Variants in GASK1B observed in about 807,000 individuals in gnomAD.
The protein encoded by GASK1B is Golgi-associated kinase 1B.
GASK1B carries 34 observed loss-of-function variants against 42.8 expected under a neutral mutation model. The ratio of observed to expected loss-of-function variants is 0.79; its 90% CI spans 0.60 to 1.06. The LOEUF (loss-of-function observed/expected upper bound fraction) is 1.06. Among genes scored for constraint, GASK1B ranks in the 50% least tolerant of loss-of-function variants. The probability of loss-of-function intolerance (pLI) is 0.00; values close to 1 mark genes in which losing one functional copy is unlikely to be tolerated. For synonymous variants in GASK1B, 262 were observed against 259.1 expected (o/e 1.01, Z -0.11); for missense variants, 686 against 661.0 (o/e 1.04, Z -0.42).
chr4:158,170,334 C>CGCT, intron 2 of GASK1B, 132 bp downstream of exon 2: 53 of 1,613,940 alleles, frequency 3.3e-5, no homozygotes, highest in Non-Finnish European at 3.8e-5. Context: ...TGGAAAGACA[C>CGCT]GCTGCTGCTG....
At chr4:158,127,769 C>G (rs986386171) in intron 4 of GASK1B, among the ~76,000 whole-genome samples, 155 bp from the exon 5 acceptor site, 1 of 152,136 alleles carries the variant, frequency 6.6e-6, no homozygotes, top group Non-Finnish European at 1.5e-5. Flanking sequence ...GATGACACTT[C>G]TCTTAATAAT....
chr4:158,134,608 T>A (rs1231012325), intron 3 of GASK1B, among the ~76,000 whole-genome samples: 1 of 152,190 alleles, frequency 6.6e-6, no homozygotes, highest in Non-Finnish European at 1.5e-5. Flanking sequence ...CTTAGGAAAA[T>A]ACATTTTTTC....
At chr4:158,142,069 C>T (rs541108102) in intron 3 of GASK1B, among the ~76,000 whole-genome samples, 132 of 149,156 alleles carry the variant, frequency 8.8e-4, no homozygotes, top group Non-Finnish European at 1.6e-3. Context: ...CTCAGCCTCC[C>T]GAGTAGCTGG....
chr4:158,155,392 A>T (rs1008920922), intron 3 of GASK1B, among the ~76,000 whole-genome samples: 1 of 152,152 alleles, frequency 6.6e-6, no homozygotes, highest in East Asian at 1.9e-4. Context: ...TTTAAGTCTG[A>T]TAAGAAACAT....
chr4:158,145,815 A>T (rs1361214403), intron 3 of GASK1B, among the ~76,000 whole-genome samples: 1 of 152,184 alleles, frequency 6.6e-6, no homozygotes, highest in Non-Finnish European at 1.5e-5. Flanking sequence ...GTCTGCTACA[A>T]TCAAGTGAAA....
intron 3 of GASK1B, among the ~76,000 whole-genome samples, chr4:158,136,836 T>C (rs1455647226): frequency 6.6e-6 from 1 of 152,182 alleles, no homozygotes; most frequent in Admixed American, 6.5e-5. Context: ...CAATAAGACA[T>C]GTGATTGGTG....
rs1310814357 is a variant in GASK1B at position 158,171,337 on chromosome 4, C to T, written c.39G>A (p.Trp13Ter). The change falls in exon 2 of 5, where the codon TGG becomes TGA. Residue 13 changes from tryptophan to a stop codon, truncating the protein, a stop_gained. Transcript: ENST00000585682. LOFTEE classifies it high-confidence loss of function. Reference sequence around the variant, plus strand: ...GCGGGACGCACAGGGAGCAGATGAACCAGTTTATGAGCTGCCCCGGCTTGT... The same window carrying T: ...GCGGGACGCACAGGGAGCAGATGAATCAGTTTATGAGCTGCCCCGGCTTGT... ...CPDKPGQLINWFICSLCVPRV... is the reference protein window; with the variant it reads ...CPDKPGQLIN 2 of 1,608,802 alleles carry T rather than the reference C, an allele frequency of 1.2e-6. No homozygotes were observed. Among genetic ancestry groups the T allele is most frequent in the East Asian group, 2.2e-5 (1 of 44,826 alleles).
chr4:158,152,844 C>T (rs866045511), intron 3 of GASK1B, among the ~76,000 whole-genome samples: 4 of 152,106 alleles, frequency 2.6e-5, no homozygotes, highest in Admixed American at 1.3e-4. Flanking sequence ...ATAGAAGGGA[C>T]GTACCTTAAG....
chr4:158,146,653 G>A (rs762084561), intron 3 of GASK1B, among the ~76,000 whole-genome samples: 5 of 152,208 alleles, frequency 3.3e-5, no homozygotes, highest in Admixed American at 6.5e-5. Flanking sequence ...AAATGGGACT[G>A]AAATGTAACT....
chr4:158,134,273 C>G (rs1332962404), intron 3 of GASK1B, among the ~76,000 whole-genome samples: 1 of 152,068 alleles, frequency 6.6e-6, no homozygotes, highest in Non-Finnish European at 1.5e-5. Flanking sequence ...TTTTTAAAGC[C>G]TAATAAAGCA....
At chr4:158,162,191 A>G (rs938248225) in intron 2 of GASK1B, among the ~76,000 whole-genome samples, 1 of 152,156 alleles carries the variant, frequency 6.6e-6, no homozygotes, top group African/African-American at 2.4e-5. Context: ...AACCCCCTAC[A>G]TACACATTCT....
At chr4:158,146,716 G>C (rs917160038) in intron 3 of GASK1B, among the ~76,000 whole-genome samples, 21 of 152,110 alleles carry the variant, frequency 1.4e-4, no homozygotes, top group Non-Finnish European at 2.9e-4. Context: ...ACAATACAGT[G>C]TCTCTTTGGT....
In GASK1B at chr4:158,149,726, T is replaced by C. The variant is rs115784905; in HGVS notation, c.1125+5885A>G. ...ACTTTATTACTATTACATTTTATCATATTGACTTGTTTCATTAATCCAAGG... is the reference window on the plus strand; with the variant it reads ...ACTTTATTACTATTACATTTTATCACATTGACTTGTTTCATTAATCCAAGG... On this transcript the variant is annotated intron_variant, in intron 3 of 4. Coordinates refer to ENST00000585682, the MANE Select transcript of GASK1B (RefSeq NM_001128424.2). Among the ~76,000 whole-genome samples the C allele has an allele frequency of 2.7e-3, 405 of 152,290 alleles. 1 individual carries two copies. Among genetic ancestry groups the C allele is most frequent in the African/African-American group, 9.5e-3 (394 of 41,562 alleles).
rs750606070 is a variant in GASK1B at position 158,170,714 on chromosome 4, A to G, written c.662T>C (p.Ile221Thr). The G allele has an allele frequency of 8.1e-6, 13 of 1,614,200 alleles. No homozygotes were observed. The highest frequency in any genetic ancestry group is 1.1e-5 in the Non-Finnish European group (13 of 1,180,036). Residue 221 changes from isoleucine (I) to threonine (T), a missense_variant, in exon 2 of 5, where the codon ATC (isoleucine) becomes ACC (threonine). Coordinates refer to ENST00000585682, the MANE Select transcript of GASK1B (RefSeq NM_001128424.2). ...GTCCGCCAAGAGTCGCATTCTTCGG[A>G]TGTCATCTTTGCTCAGCCAGGAGGG... Reference protein sequence around the residue: ...SAPSWLSKDDIRRMRLLADSA... With the variant: ...SAPSWLSKDDTRRMRLLADSA...
At chr4:158,141,086 A>C (rs1467328886) in intron 3 of GASK1B, among the ~76,000 whole-genome samples, 1 of 152,148 alleles carries the variant, frequency 6.6e-6, no homozygotes, top group Non-Finnish European at 1.5e-5. Context: ...CCAACTTTCT[A>C]GTCTACATGT....
Position 158,155,793 on chromosome 4 carries a change from C to T in GASK1B, c.943G>A (p.Ala315Thr), listed in dbSNP as rs1731736566. ...TCATTACTTGCTGAAGATAAAGATG[C>T]ATCCCAAAGAATGATGGGGCATGGG... ...GRPCPIILWD[A>T]SLSSASNDTH... The change falls in exon 3 of 5, where the codon GCA becomes ACA. Residue 315 changes from alanine to threonine, a missense_variant. Coordinates refer to ENST00000585682, the MANE Select transcript of GASK1B (RefSeq NM_001128424.2). 2 of 1,613,774 alleles carry T rather than the reference C, an allele frequency of 1.2e-6. No homozygotes were observed. Among genetic ancestry groups the T allele is most frequent in the Non-Finnish European group, 1.7e-6 (2 of 1,179,754 alleles).
At chr4:158,130,745 A>T (rs759121205) in intron 4 of GASK1B, 41 bp downstream of exon 4, 1 of 1,446,826 alleles carries the variant, frequency 6.9e-7, no homozygotes, top group African/African-American at 1.4e-5. Context: ...TACTTATCTA[A>T]CATAAATGTG....
At chr4:158,127,692 T>A in intron 4 of GASK1B, 78 bp from the exon 5 acceptor site, 1 of 1,295,966 alleles carries the variant, frequency 7.7e-7, no homozygotes, top group Middle Eastern at 1.9e-4. Context: ...CTGCCTTTCA[T>A]TAATCTGTCA....
intron 2 of GASK1B, among the ~76,000 whole-genome samples, chr4:158,168,162 A>C (rs1046957368): frequency 5.9e-5 from 9 of 152,178 alleles, no homozygotes; most frequent in African/African-American, 1.9e-4. Flanking sequence ...TTGAGATATA[A>C]TCTTAGGGAT....
Sources: allele counts gnomAD v4.1 joint callset (sites outside exome capture counted in the v4.1 genomes callset), GRCh38; gene constraint gnomAD v4.1.1; transcripts MANE v1.5; gene names NCBI Gene and HGNC (gene_info 2026-07-23, HGNC 2026-07-21).